Variants in TLL1 observed in about 807,000 individuals in gnomAD.
TLL1 encodes tolloid-like protein 1.
In TLL1, 49 loss-of-function variants were observed where a neutral mutation model predicts 128.2. The ratio of observed to expected loss-of-function variants is 0.38; its 90% confidence interval spans 0.30 to 0.48. TLL1 has a LOEUF of 0.48. Ranked by LOEUF, TLL1 falls within the 20% of genes least tolerant of loss-of-function variation. TLL1 has a pLI of 0.96. For synonymous variants in TLL1, 454 were observed against 418.8 expected, an observed-to-expected ratio of 1.08 and a Z score of -1.03; for missense variants, 1,123 against 1,242.0, an observed-to-expected ratio of 0.90 and a Z score of 1.44.
intron 1 of TLL1, among the ~76,000 whole-genome samples, chr4:165,973,392 C>A (rs1735717586): frequency 6.6e-6 from 1 of 151,922 alleles, no homozygotes; most frequent in Non-Finnish European, 1.5e-5. Flanking sequence ...AATAAACTAT[C>A]TTATACAACT....
intron 1 of TLL1, among the ~76,000 whole-genome samples, chr4:165,966,916 C>T (rs1284400386): frequency 6.6e-6 from 1 of 152,164 alleles, no homozygotes; most frequent in East Asian, 1.9e-4. Context: ...GAGAAGACAA[C>T]TGGTCTGACT....
Position 166,014,529 on chromosome 4 carries a change from C to T in TLL1, c.1011C>T (p.Ile337=), listed in dbSNP as rs541355348. 5.0e-6 allele frequency: 8 copies of T among 1,612,088 alleles called. No homozygotes were observed. The highest frequency in any genetic ancestry group is 3.3e-5 in the Admixed American group (2 of 59,870). ...GAACCCGTCTAAGCAAAGGAGATAT[C>T]GCACAGGCAAGAAAGCTGTATAGAT... is the stretch of plus-strand genomic sequence containing the variant. ...GQRTRLSKGD[I]AQARKLYRCP... Residue 337 remains isoleucine, a synonymous_variant, in exon 8 of 21, where the codon ATC becomes ATT. Coordinates refer to ENST00000061240, the MANE Select transcript of TLL1 (RefSeq NM_012464.5).
chr4:165,907,239 T>A (rs908648806), intron 1 of TLL1, among the ~76,000 whole-genome samples: 1 of 152,204 alleles, frequency 6.6e-6, no homozygotes, highest in East Asian at 1.9e-4. Context: ...AGACTGTCTT[T>A]GGACTCAAGC....
intron 16 of TLL1, among the ~76,000 whole-genome samples, chr4:166,068,684 A>G (rs1322427036): frequency 1.3e-5 from 2 of 151,880 alleles, no homozygotes; most frequent in South Asian, 2.1e-4. Context: ...ATCAAGAAAT[A>G]TCTCAAAATC....
At chr4:166,094,179 G>A (rs1267791501) in intron 19 of TLL1, among the ~76,000 whole-genome samples, 2 of 152,146 alleles carry the variant, frequency 1.3e-5, no homozygotes, top group Non-Finnish European at 2.9e-5. Context: ...CAAAAGAACT[G>A]TATGACATAG....
chr4:166,016,540 A>G (rs1024241801), intron 8 of TLL1, among the ~76,000 whole-genome samples: 4 of 152,084 alleles, frequency 2.6e-5, no homozygotes, highest in Non-Finnish European at 5.9e-5. Flanking sequence ...AGTTATAAAC[A>G]GGAAGATAAT....
chr4:166,023,898 C>A (rs1187596363), intron 8 of TLL1, among the ~76,000 whole-genome samples: 4 of 150,414 alleles, frequency 2.7e-5, no homozygotes, highest in Non-Finnish European at 5.9e-5. Context: ...TTTTAAACTG[C>A]TGTTAATTAT....
chr4:166,004,934 T>C (rs1737345977), intron 6 of TLL1, among the ~76,000 whole-genome samples: 1 of 149,774 alleles, frequency 6.7e-6, no homozygotes, highest in Non-Finnish European at 1.5e-5. Flanking sequence ...ATAGCGATCG[T>C]TAACTGGGTG....
chr4:165,881,097 C>T (rs371841861), intron 1 of TLL1, among the ~76,000 whole-genome samples: 6 of 152,204 alleles, frequency 3.9e-5, no homozygotes, highest in East Asian at 1.9e-4. Flanking sequence ...TTTTGTGTTT[C>T]GTATTCAGAT....
intron 9 of TLL1, among the ~76,000 whole-genome samples, chr4:166,027,913 A>G (rs2111073876): frequency 6.6e-6 from 1 of 152,236 alleles, no homozygotes; most frequent in South Asian, 2.1e-4. Context: ...ATAAAACTAT[A>G]TTTCCAAAAA....
rs76885275 is a variant in TLL1 at position 166,089,398 on chromosome 4, G to A, written c.2443-1730G>A. Among the ~76,000 whole-genome samples the A allele has an allele frequency of 9.2e-3, 1,398 of 152,198 alleles. 25 individuals carry two copies. Among genetic ancestry groups the A allele is most frequent in the African/African-American group, 0.031 (1,307 of 41,558 alleles). On this transcript the variant is annotated intron_variant, in intron 18 of 20. Transcript: ENST00000061240. ...CCCTGTCTGTAGAATTTTCATACTT[G>A]AGGTTGGCCATAAACGTCAGCTAGG...
chr4:165,901,701 C>A (rs1731999994), intron 1 of TLL1, among the ~76,000 whole-genome samples: 1 of 152,176 alleles, frequency 6.6e-6, no homozygotes, highest in African/African-American at 2.4e-5. Flanking sequence ...GGAGGTGACT[C>A]CAGTAAGCAG....
At chr4:166,092,842 C>T (rs945890961) in intron 19 of TLL1, among the ~76,000 whole-genome samples, 10 of 152,192 alleles carry the variant, frequency 6.6e-5, no homozygotes, top group African/African-American at 2.4e-4. Context: ...TGGGTTCCTG[C>T]TACAAGTGAA....
At chr4:165,877,127 A>T (rs1730755582) in intron 1 of TLL1, among the ~76,000 whole-genome samples, 1 of 152,236 alleles carries the variant, frequency 6.6e-6, no homozygotes, top group Non-Finnish European at 1.5e-5. Flanking sequence ...ACTATCCTCA[A>T]CACATTTGTG....
intron 20 of TLL1, among the ~76,000 whole-genome samples, chr4:166,100,501 G>GT (rs1334315680): frequency 6.6e-6 from 1 of 152,044 alleles, no homozygotes; most frequent in Non-Finnish European, 1.5e-5. Flanking sequence ...AAAATGTAAC[G>GT]TATGTTCAGA....
At chr4:166,078,343 G>A (rs181454071) in intron 18 of TLL1, among the ~76,000 whole-genome samples, 29 of 152,172 alleles carry the variant, frequency 1.9e-4, no homozygotes, top group African/African-American at 6.5e-4. Flanking sequence ...GAAAATAAAC[G>A]ATGGAACAAA....
In TLL1 at chr4:166,055,148, A is replaced by C. The variant is rs750375005; in HGVS notation, c.1597A>C (p.Ile533Leu). The change falls in exon 13 of 21, where the codon ATA becomes CTA. Residue 533 changes from isoleucine to leucine, a missense_variant. Physicochemically the swap from Ile to Leu is conservative, Grantham distance 5. Coordinates refer to ENST00000061240, the MANE Select transcript of TLL1 (RefSeq NM_012464.5). Reference sequence around the variant, plus strand: ...TGGAACCAGTGAAAATAGCCCTTTGATAGGGCGTTTCTGTGGTTATGACAA... The same window carrying C: ...TGGAACCAGTGAAAATAGCCCTTTGCTAGGGCGTTTCTGTGGTTATGACAA... ...RDGTSENSPLIGRFCGYDKPE... is the reference protein window; with the variant it reads ...RDGTSENSPLLGRFCGYDKPE... 2.0e-5 allele frequency: 32 copies of C among 1,613,396 alleles called. No homozygotes were observed. The highest frequency in any genetic ancestry group is 2.6e-5 in the Non-Finnish European group (31 of 1,179,692).
chr4:165,950,184 A>T (rs1395095687), intron 1 of TLL1, among the ~76,000 whole-genome samples: 1 of 152,172 alleles, frequency 6.6e-6, no homozygotes, highest in Non-Finnish European at 1.5e-5. Context: ...AAGAAGGAAT[A>T]TTATGTAAAA....
At chr4:166,031,047 A>G (rs1198923720) in intron 9 of TLL1, 1 of 876,216 alleles carries the variant, frequency 1.1e-6, no homozygotes, top group Admixed American at 6.2e-5. Context: ...TAATAAGTTA[A>G]TACCCATGTA....
Sources: allele counts gnomAD v4.1 joint callset (sites outside exome capture counted in the v4.1 genomes callset), GRCh38; gene constraint gnomAD v4.1.1; transcripts MANE v1.5; gene names NCBI Gene and HGNC (gene_info 2026-07-23, HGNC 2026-07-21).